PRKCA: variants seen among roughly 807,000 people sequenced by gnomAD.
PRKCA encodes the protein protein kinase C alpha type.
PRKCA carries 27 observed loss-of-function variants against 87.0 expected under a neutral mutation model. The ratio of observed to expected loss-of-function variants is 0.31; its 90% CI spans 0.23 to 0.43. PRKCA has a LOEUF of 0.43. Ranked by LOEUF, PRKCA falls within the 20% of genes least tolerant of loss-of-function variation. The pLI, the probability that PRKCA is intolerant of heterozygous loss-of-function variation, is 1.00. For missense variants in PRKCA, 518 were observed against 852.3 expected (o/e 0.61, Z 4.88); for synonymous variants, 329 against 311.1 (o/e 1.06, Z -0.61).
At chr17:66,492,513 A>G (rs1364166914) in intron 2 of PRKCA, among the ~76,000 whole-genome samples, 2 of 152,190 alleles carry the variant, frequency 1.3e-5, no homozygotes, top group African/African-American at 2.4e-5. Flanking sequence ...GTTTTTTTTA[A>G]AAAGAGATGA....
chr17:66,371,753 A>G (rs1326519184), intron 2 of PRKCA, among the ~76,000 whole-genome samples: 3 of 152,232 alleles, frequency 2.0e-5, no homozygotes, highest in Non-Finnish European at 2.9e-5. Flanking sequence ...ACATTAGAGC[A>G]GGCAGGGTGC....
At chr17:66,501,020 T>A (rs1916707495) in intron 3 of PRKCA, among the ~76,000 whole-genome samples, 1 of 152,158 alleles carries the variant, frequency 6.6e-6, no homozygotes, top group African/African-American at 2.4e-5. Flanking sequence ...TGCTTAATAG[T>A]ACCTTCGTTG....
intron 3 of PRKCA, among the ~76,000 whole-genome samples, chr17:66,569,977 C>A (rs1047680482): frequency 6.6e-6 from 1 of 152,100 alleles, no homozygotes; most frequent in South Asian, 2.1e-4. Flanking sequence ...TTCATAATTG[C>A]CTTAACCTGG....
At chr17:66,583,841 C>T (rs941221362) in intron 3 of PRKCA, among the ~76,000 whole-genome samples, 2 of 152,178 alleles carry the variant, frequency 1.3e-5, no homozygotes, top group African/African-American at 4.8e-5. Flanking sequence ...ATTATCTTCA[C>T]TGCAATCCAA....
intron 3 of PRKCA, among the ~76,000 whole-genome samples, chr17:66,567,158 A>G (rs1968928736): frequency 1.3e-5 from 2 of 152,200 alleles, no homozygotes; most frequent in South Asian, 4.1e-4. Flanking sequence ...GATATGGGGA[A>G]CTTGGTATAA....
At chr17:66,519,230 G>A (rs1294570032) in intron 3 of PRKCA, among the ~76,000 whole-genome samples, 4 of 152,102 alleles carry the variant, frequency 2.6e-5, no homozygotes, top group African/African-American at 9.7e-5. Context: ...GGAGCAAGCC[G>A]AAAGTTCACA....
At chr17:66,709,890 G>A (rs1023953417) in intron 8 of PRKCA, among the ~76,000 whole-genome samples, 1 of 152,036 alleles carries the variant, frequency 6.6e-6, no homozygotes, top group African/African-American at 2.4e-5. Context: ...TAGTTTTCAT[G>A]GTAAGCGGGT....
intron 3 of PRKCA, among the ~76,000 whole-genome samples, chr17:66,612,614 T>G (rs1970400593): frequency 6.6e-6 from 1 of 152,014 alleles, no homozygotes; most frequent in Non-Finnish European, 1.5e-5. Context: ...AATACTGAGT[T>G]AGTGGAGATA....
intron 2 of PRKCA, among the ~76,000 whole-genome samples, chr17:66,397,392 C>T (rs1202746347): frequency 6.6e-6 from 1 of 150,406 alleles, no homozygotes; most frequent in Non-Finnish European, 1.5e-5. Flanking sequence ...GCCCCACAGT[C>T]TAGACCATGC....
intron 5 of PRKCA, among the ~76,000 whole-genome samples, chr17:66,654,878 C>T (rs1009493220): frequency 4.6e-5 from 7 of 152,300 alleles, no homozygotes; most frequent in South Asian, 2.1e-4. Context: ...GGAAACAAGC[C>T]GCTACAGGAC....
chr17:66,743,115 G>C (rs536550680), intron 13 of PRKCA, among the ~76,000 whole-genome samples: 1 of 152,220 alleles, frequency 6.6e-6, no homozygotes, highest in Non-Finnish European at 1.5e-5. Context: ...TGGATCATAA[G>C]GTCAGGAGTT....
At chr17:66,779,896 T>G (rs1975162676) in intron 14 of PRKCA, among the ~76,000 whole-genome samples, 1 of 152,036 alleles carries the variant, frequency 6.6e-6, no homozygotes, top group African/African-American at 2.4e-5. Flanking sequence ...TCCAAAATGG[T>G]AATGTACTAA....
intron 5 of PRKCA, among the ~76,000 whole-genome samples, chr17:66,680,351 C>T (rs999457559): frequency 6.6e-6 from 1 of 152,074 alleles, no homozygotes; most frequent in Non-Finnish European, 1.5e-5. Flanking sequence ...GGAGGTGTCA[C>T]GGGGTCAGCA....
intron 2 of PRKCA, among the ~76,000 whole-genome samples, chr17:66,479,370 T>C (rs1421022162): frequency 6.6e-6 from 1 of 152,074 alleles, no homozygotes; most frequent in Non-Finnish European, 1.5e-5. Flanking sequence ...GCTGGTGAGG[T>C]TGTGGAGAAA....
chr17:66,592,958 A>C lies in PRKCA; in HGVS notation c.289-48397A>C, dbSNP rs534527314. ...CAGGCATGTGCCACCACACTCAGAT[A>C]ATTTTGTATTTTTAGTAGAGACAGG... On this transcript the variant is annotated intron_variant, in intron 3 of 16. Transcript: ENST00000413366. 9.9e-5 allele frequency among the ~76,000 whole-genome samples: 15 copies of C among 151,980 alleles called. No homozygotes were observed. The South Asian group carries it at 1.3e-3, about 13-fold the overall frequency.
At chr17:66,580,517 C>CGGAG (rs1178380523) in intron 3 of PRKCA, among the ~76,000 whole-genome samples, 6 of 152,174 alleles carry the variant, frequency 3.9e-5, no homozygotes, top group Non-Finnish European at 5.9e-5. Flanking sequence ...GTTTGGGCTC[C>CGGAG]GCCTCCAGGG....
At chr17:66,657,195 CT>C (rs1327436615) in intron 5 of PRKCA, among the ~76,000 whole-genome samples, 1 of 152,196 alleles carries the variant, frequency 6.6e-6, no homozygotes, top group African/African-American at 2.4e-5. Context: ...CCATGAGGGA[CT>C]TTTTATACTG....
At chr17:66,397,277 T>TTTTC (rs1211386138) in intron 2 of PRKCA, among the ~76,000 whole-genome samples, 22 of 146,932 alleles carry the variant, frequency 1.5e-4, no homozygotes, top group Non-Finnish European at 2.6e-4. Context: ...AGTGTAGACT[T>TTTTC]TTTTTTTTTT....
chr17:66,377,700 T>TA (rs1434998391), intron 2 of PRKCA, among the ~76,000 whole-genome samples: 1,367 of 48,354 alleles, frequency 0.028, 66 homozygotes, highest in South Asian at 0.064. Flanking sequence ...AAGTCTATGT[T>TA]TTATATATAT....
Sources: allele counts gnomAD v4.1 joint callset (sites outside exome capture counted in the v4.1 genomes callset), GRCh38; gene constraint gnomAD v4.1.1; transcripts MANE v1.5; gene names NCBI Gene and HGNC (gene_info 2026-07-23, HGNC 2026-07-21).